LHPP: variants seen among roughly 807,000 people sequenced by gnomAD.
LHPP encodes hLHPP.
LHPP carries 24 observed loss-of-function variants against 30.3 expected under a neutral mutation model. The observed-to-expected ratio is 0.79, with a 90% confidence interval of 0.57 to 1.11. LHPP has a LOEUF of 1.11. Ranked by LOEUF, LHPP falls within the 50% of genes most tolerant of loss-of-function variation. LHPP has a pLI of 0.00. For missense variants in LHPP, 356 were observed against 367.2 expected, an observed-to-expected ratio of 0.97 and a Z score of 0.25; for synonymous variants, 150 against 157.1, an observed-to-expected ratio of 0.95 and a Z score of 0.34.
At chr10:124,611,927 G>A (rs1005073756) in intron 6 of LHPP, among the ~76,000 whole-genome samples, 2 of 152,214 alleles carry the variant, frequency 1.3e-5, no homozygotes, top group South Asian at 4.1e-4. Flanking sequence ...AGGCCGTGGG[G>A]AGATCCAAGC....
rs1196253873 is a variant in LHPP at position 124,576,308 on chromosome 10, G to C, written c.717-36956G>C. Among the ~76,000 whole-genome samples, 1 of 152,124 alleles carries C rather than the reference G, an allele frequency of 6.6e-6. No individual in the cohort carries two copies. Among genetic ancestry groups the C allele is most frequent in the Non-Finnish European group, 1.5e-5 (1 of 68,006 alleles). ...CGGCAGAACATAAAGTACTAGTGTG[G>C]GGTATGAGGCAGCATGTGGGGGCGC... On this transcript the variant is annotated intron_variant, in intron 6 of 6. Coordinates refer to ENST00000368842, the MANE Select transcript of LHPP (RefSeq NM_022126.4). The surrounding 1 kb of genome is among the most constrained non-coding windows in gnomAD (Gnocchi z 4.2).
chr10:124,546,866 T>G (rs1955361261), intron 6 of LHPP, among the ~76,000 whole-genome samples: 1 of 152,164 alleles, frequency 6.6e-6, no homozygotes, highest in East Asian at 1.9e-4. Flanking sequence ...ACAAAAATAG[T>G]ACAGGTAGAA....
chr10:124,506,131 C>A lies in LHPP; in HGVS notation c.624+8003C>A, dbSNP rs116103202. Among the ~76,000 whole-genome samples the A allele has an allele frequency of 9.6e-3, 1,463 of 152,208 alleles. 20 individuals carry two copies. Among genetic ancestry groups the A allele is most frequent in the African/African-American group, 0.034 (1,404 of 41,524 alleles). ...ATGGTGGCTGGCACATGCCTGTGGT[C>A]CCAGCTGCTCAGGAAGCTGACGCAC... On this transcript the variant is annotated intron_variant, in intron 5 of 6. Coordinates refer to ENST00000368842, the MANE Select transcript of LHPP (RefSeq NM_022126.4).
rs1170477381 is a variant in LHPP at position 124,523,041 on chromosome 10, C to T, written c.716+5770C>T. Among the ~76,000 whole-genome samples, 1 of 152,186 alleles carries T rather than the reference C, an allele frequency of 6.6e-6. No individual in the cohort carries two copies. The highest frequency in any genetic ancestry group is 2.4e-5 in the African/African-American group (1 of 41,450). ...CTCTGTTCGCTGTTCCACGCCACAC[C>T]CTGCAGCCACCACCCAGTCAAAGGC... is the stretch of plus-strand genomic sequence containing the variant. On this transcript the variant is annotated intron_variant, in intron 6 of 6. Coordinates refer to ENST00000368842, the MANE Select transcript of LHPP (RefSeq NM_022126.4). This position sits in a 1 kb window ranked among gnomAD's most constrained non-coding sequence, Gnocchi z 4.2.
At position 124,606,288 on chromosome 10, in the gene LHPP, C is replaced by A. The variant is rs192293922; in HGVS notation, c.717-6976C>A. Reference sequence around the variant, plus strand: ...CTCCACACCATTCTCGGGGGGACAGCAGCAAGGACGATGGACGGGAGCAGT... The same window carrying A: ...CTCCACACCATTCTCGGGGGGACAGAAGCAAGGACGATGGACGGGAGCAGT... On this transcript the variant is annotated intron_variant, in intron 6 of 6. Transcript: ENST00000368842. Among the ~76,000 whole-genome samples the A allele has an allele frequency of 7.2e-5, 11 of 152,008 alleles. No homozygotes were observed. In the East Asian group the frequency reaches 1.9e-3, roughly 27 times the overall value.
chr10:124,549,236 G>C (rs529329267), intron 6 of LHPP, among the ~76,000 whole-genome samples: 1 of 152,108 alleles, frequency 6.6e-6, no homozygotes, highest in South Asian at 2.1e-4. Flanking sequence ...CAGGATTTGA[G>C]ACCAGCCTGG....
At chr10:124,508,168 G>A (rs1954207193) in intron 5 of LHPP, among the ~76,000 whole-genome samples, 1 of 152,050 alleles carries the variant, frequency 6.6e-6, no homozygotes, top group Non-Finnish European at 1.5e-5. Flanking sequence ...GGCCACTCCG[G>A]CCCAGTTCTT....
At position 124,592,040 on chromosome 10, in the gene LHPP, A is replaced by G. The variant is rs7094785; in HGVS notation, c.717-21224A>G. 0.04 allele frequency among the ~76,000 whole-genome samples: 6,106 copies of G among 152,238 alleles called. 149 individuals are homozygous for G. Among genetic ancestry groups the G allele is most frequent in the South Asian group, 0.062 (297 of 4,826 alleles). ...CAAGTCAGCACTCAAGTTTATATGG[A>G]CAAATAAGCAAGTAAAATTAGTTAG... On this transcript the variant is annotated intron_variant, in intron 6 of 6. Coordinates refer to ENST00000368842, the MANE Select transcript of LHPP (RefSeq NM_022126.4). The surrounding 1 kb of genome is among the most constrained non-coding windows in gnomAD (Gnocchi z 6.2).
chr10:124,469,857 G>T (rs1952676069), intron 1 of LHPP, among the ~76,000 whole-genome samples: 1 of 152,166 alleles, frequency 6.6e-6, no homozygotes, highest in African/African-American at 2.4e-5. Context: ...GGAGCCCTGG[G>T]CTGGGTACCT....
chr10:124,490,919 C>G (rs565769249), intron 3 of LHPP, among the ~76,000 whole-genome samples: 4 of 150,804 alleles, frequency 2.7e-5, no homozygotes, highest in African/African-American at 9.8e-5. Context: ...AGCTAGAATT[C>G]TAGAATCACA....
rs573011028 is a variant in LHPP, at chr10:124,517,247, T to G, written c.692T>G (p.Leu231Arg). Reference protein sequence around the residue: ...GGAQRCGMRALQVRTGKFRPS... With the variant: ...GGAQRCGMRARQVRTGKFRPS... ...GCCCAGCGGTGTGGAATGAGAGCGC[T>G]GCAGGTGCGCACCGGGAAGTTCAGG... The change falls in exon 6 of 7, where the codon CTG (leucine) becomes CGG (arginine). Residue 231 changes from leucine (L) to arginine (R), a missense_variant. Transcript: ENST00000368842. This position sits in a 1 kb window ranked among gnomAD's most constrained non-coding sequence, Gnocchi z 4.1. 14 of 1,603,388 alleles carry G rather than the reference T, an allele frequency of 8.7e-6. No individual in the cohort carries two copies. In the South Asian group the frequency reaches 1.6e-4, roughly 18 times the overall value.
chr10:124,555,149 C>T (rs992516776), intron 6 of LHPP, among the ~76,000 whole-genome samples: 1 of 152,150 alleles, frequency 6.6e-6, no homozygotes, highest in Non-Finnish European at 1.5e-5. Context: ...GAGTGGAGGC[C>T]CTGACCCCTT....
chr10:124,522,556 G>A (rs926001649), intron 6 of LHPP, among the ~76,000 whole-genome samples: 1 of 152,224 alleles, frequency 6.6e-6, no homozygotes, highest in African/African-American at 2.4e-5. Context: ...AAGCTGGACT[G>A]GAACCTGGCC....
intron 5 of LHPP, among the ~76,000 whole-genome samples, chr10:124,506,944 GTA>G (rs1954111131): frequency 3.2e-5 from 1 of 31,152 alleles, no homozygotes; most frequent in Admixed American, 3.6e-4. Flanking sequence ...AGGTGGGGGG[GTA>G]GGGAGGATTT....
At chr10:124,610,743 C>T (rs1207831053) in intron 6 of LHPP, among the ~76,000 whole-genome samples, 1 of 69,322 alleles carries the variant, frequency 1.4e-5, no homozygotes, top group Non-Finnish European at 2.6e-5. Flanking sequence ...GGTGAGGGTG[C>T]TGATGGAGCG....
At chr10:124,529,022 GATTCTTTTTTTT>G (rs1427982931) in intron 6 of LHPP, among the ~76,000 whole-genome samples, 8 of 127,516 alleles carry the variant, frequency 6.3e-5, no homozygotes, top group Admixed American at 1.8e-4. Flanking sequence ...GAATTTGGGG[GATTCTTTTTTTT>G]TTTTTTTTTT....
intron 6 of LHPP, among the ~76,000 whole-genome samples, chr10:124,577,471 G>A (rs1948678516): frequency 6.6e-6 from 1 of 152,216 alleles, no homozygotes; most frequent in Non-Finnish European, 1.5e-5. Context: ...CTCTCCAGAG[G>A]ACACACCTCC....
intron 2 of LHPP, among the ~76,000 whole-genome samples, chr10:124,485,637 AC>A (rs1380479056): frequency 1.3e-5 from 2 of 151,504 alleles, no homozygotes; most frequent in Non-Finnish European, 2.9e-5. Context: ...TTGCTCTGTC[AC>A]CCAGGCTGGA....
At chr10:124,536,109 G>C (rs1191854242) in intron 6 of LHPP, among the ~76,000 whole-genome samples, 12 of 152,260 alleles carry the variant, frequency 7.9e-5, no homozygotes, top group Admixed American at 7.2e-4. Flanking sequence ...CCTGTAAGGT[G>C]GGGGCTGGGG....
Sources: gnomAD v4.1 joint callset for allele counts (sites outside exome capture counted in the v4.1 genomes callset) on GRCh38, gnomAD v4.1.1 for gene constraint, Gnocchi (gnomAD v3.1) non-coding constraint, MANE v1.5 for transcripts, NCBI Gene and HGNC (gene_info 2026-07-23, HGNC 2026-07-21) for gene names.